Variants in PTPRT observed in about 807,000 individuals in gnomAD.
PTPRT encodes protein tyrosine phosphatase receptor type T, also known as receptor-type tyrosine-protein phosphatase T.
Under a neutral mutation model 176.8 loss-of-function variants are expected in PTPRT, and 56 were observed. The observed-to-expected ratio is 0.32, with a 90% confidence interval of 0.26 to 0.40. PTPRT has a LOEUF of 0.40. Among genes scored for constraint, PTPRT ranks in the 10% least tolerant of loss-of-function variants. PTPRT has a pLI of 1.00. For synonymous variants in PTPRT, 783 were observed against 739.0 expected (o/e 1.06, Z -0.96); for missense variants, 1,540 against 1,908.2 (o/e 0.81, Z 3.60).
intron 3 of PTPRT, among the ~76,000 whole-genome samples, chr20:42,788,717 G>A (rs141177480): frequency 6.6e-6 from 1 of 152,176 alleles, no homozygotes; most frequent in Non-Finnish European, 1.5e-5. Flanking sequence ...CATTACAAGA[G>A]ATAGCTGCGG....
chr20:42,757,270 T>C (rs78445618), intron 5 of PTPRT, among the ~76,000 whole-genome samples: 1,597 of 152,228 alleles, frequency 0.01, 32 homozygotes, highest in African/African-American at 0.037. Flanking sequence ...CTTTTTCCCT[T>C]AAGCAGAACT....
At chr20:42,608,813 A>T (rs1246133920) in intron 7 of PTPRT, among the ~76,000 whole-genome samples, 1 of 152,166 alleles carries the variant, frequency 6.6e-6, no homozygotes. Context: ...TCAAGGGAAC[A>T]AGTGTCCTAA....
intron 6 of PTPRT, among the ~76,000 whole-genome samples, chr20:42,753,569 C>T (rs1380987463): frequency 6.6e-6 from 1 of 152,220 alleles, no homozygotes; most frequent in Non-Finnish European, 1.5e-5. Context: ...TGCCACCCAC[C>T]ACCCCACCCT....
intron 7 of PTPRT, among the ~76,000 whole-genome samples, chr20:42,555,209 C>T (rs941946678): frequency 2.6e-5 from 4 of 152,146 alleles, no homozygotes; most frequent in Non-Finnish European, 4.4e-5. Context: ...GGATTTAATG[C>T]TCAGAGAGGC....
intron 15 of PTPRT, among the ~76,000 whole-genome samples, chr20:42,202,635 T>C (rs530441667): frequency 6.6e-6 from 1 of 152,342 alleles, no homozygotes; most frequent in Non-Finnish European, 1.5e-5. Context: ...TTCTTAATCA[T>C]AAATTTGAAA....
intron 1 of PTPRT, among the ~76,000 whole-genome samples, chr20:43,033,893 C>T (rs1322676690): frequency 1.3e-5 from 2 of 152,200 alleles, no homozygotes; most frequent in East Asian, 3.9e-4. Context: ...CCAACCCCGG[C>T]CCTAGAGCTC....
At chr20:42,204,070 C>G (rs973953040) in intron 15 of PTPRT, among the ~76,000 whole-genome samples, 1 of 152,274 alleles carries the variant, frequency 6.6e-6, no homozygotes, top group Middle Eastern at 3.4e-3. Flanking sequence ...TCCTCTTACT[C>G]TGAACACAAA....
chr20:42,169,013 T>A (rs1296894954), intron 16 of PTPRT, among the ~76,000 whole-genome samples: 2 of 152,192 alleles, frequency 1.3e-5, no homozygotes, highest in Non-Finnish European at 2.9e-5. Flanking sequence ...ACAAACATGA[T>A]ACAATTGACT....
intron 4 of PTPRT, among the ~76,000 whole-genome samples, chr20:42,776,679 G>GCATATAATTATATAATCATAT (rs1303782045): frequency 4.0e-5 from 6 of 150,630 alleles, no homozygotes; most frequent in African/African-American, 1.5e-4. Context: ...CACTGTCTGT[G>GCATATAATTATATAATCATAT]CATATAATTA....
At chr20:43,027,715 C>T (rs1405425476) in intron 1 of PTPRT, among the ~76,000 whole-genome samples, 1 of 152,140 alleles carries the variant, frequency 6.6e-6, no homozygotes, top group Non-Finnish European at 1.5e-5. Context: ...AAATACATTT[C>T]TGTTGTTTAG....
chr20:42,123,995 ATTGGCC>A (rs1987722175), intron 19 of PTPRT, among the ~76,000 whole-genome samples: 1 of 152,164 alleles, frequency 6.6e-6, no homozygotes, highest in South Asian at 2.1e-4. Context: ...AGCCTGGGCC[ATTGGCC>A]TTGAAAAATT....
chr20:42,093,450 C>T (rs1984849120), intron 27 of PTPRT, among the ~76,000 whole-genome samples: 1 of 113,150 alleles, frequency 8.8e-6, no homozygotes, highest in Non-Finnish European at 1.8e-5. Context: ...TACCTTTGAA[C>T]AGCAACCACT....
the PTPRT span, among the ~76,000 whole-genome samples, chr20:42,058,286 T>C: frequency 1.3e-5 from 2 of 152,144 alleles, no homozygotes; most frequent in Non-Finnish European, 2.9e-5. Flanking sequence ...CATATAAAGG[T>C]TCTCTTAGTT....
chr20:43,052,993 G>A (rs755795869), intron 1 of PTPRT, among the ~76,000 whole-genome samples: 1 of 151,984 alleles, frequency 6.6e-6, no homozygotes, highest in Non-Finnish European at 1.5e-5. Flanking sequence ...GTTCATAGCA[G>A]CACTGTTCAC....
intron 18 of PTPRT, among the ~76,000 whole-genome samples, chr20:42,130,127 A>T (rs530919777): frequency 3.9e-5 from 6 of 152,316 alleles, no homozygotes; most frequent in Middle Eastern, 3.4e-3. Flanking sequence ...CTGTTTCCAA[A>T]GGGGGTGTAA....
chr20:42,603,409 G>A (rs962852008), intron 7 of PTPRT, among the ~76,000 whole-genome samples: 1 of 152,134 alleles, frequency 6.6e-6, no homozygotes, highest in Non-Finnish European at 1.5e-5. Context: ...AATGACAAGT[G>A]CAAAACGCAA....
In PTPRT at chr20:42,110,366, G is replaced by C. The variant is rs2146290937; in HGVS notation, c.3221C>G (p.Pro1074Arg). Residue 1074 changes from proline (P) to arginine (R), a missense_variant, in exon 23 of 31, where the codon CCC (proline) becomes CGC (arginine). Physicochemically the swap from Pro to Arg is moderately radical, Grantham distance 103 (BLOSUM62 -2). Around this residue, in one of 11 missense-constraint regions of PTPRT, gnomAD observed 248 missense variants for 356.7 expected, o/e 0.70. Coordinates refer to ENST00000373187, the MANE Select transcript of PTPRT (RefSeq NM_007050.6). ...GFVRQVKFLNPPEAGPIVVHC... is the reference protein window; with the variant it reads ...GFVRQVKFLNRPEAGPIVVHC... ...GACCACTATGGGCCCAGCTTCCGGG[G>C]GGTTGAGGAACTTGACCTGGCGGAC... 1.2e-6 allele frequency: 2 copies of C among 1,612,822 alleles called. No homozygotes were observed. Among genetic ancestry groups the C allele is most frequent in the South Asian group, 2.2e-5 (2 of 90,950 alleles).
In PTPRT at chr20:42,840,680, TGG is replaced by T. The variant is rs749323515; in HGVS notation, c.214+45125_214+45126del. Among the ~76,000 whole-genome samples, 6 of 152,214 alleles carry T rather than the reference TGG, an allele frequency of 3.9e-5. 1 individual carries two copies. In the East Asian group the frequency reaches 5.8e-4, roughly 15 times the overall value. On this transcript the variant is annotated intron_variant, in intron 2 of 30. Coordinates refer to ENST00000373187, the MANE Select transcript of PTPRT (RefSeq NM_007050.6). ...TGCCCATCTTGGCCTCCCAAAGTGCTGGGATTACAGGCACGAGCCACCATGTC... is the reference window on the plus strand; with the variant it reads ...TGCCCATCTTGGCCTCCCAAAGTGCTGATTACAGGCACGAGCCACCATGTC...
chr20:42,817,320 A>C (rs1298049631), intron 2 of PTPRT, among the ~76,000 whole-genome samples: 1 of 152,140 alleles, frequency 6.6e-6, no homozygotes, highest in Non-Finnish European at 1.5e-5. Context: ...GTGGTTTTTA[A>C]ACATGAACCC....
Sources: allele counts gnomAD v4.1 joint callset (sites outside exome capture counted in the v4.1 genomes callset), GRCh38; gene constraint gnomAD v4.1.1; regional missense constraint gnomAD v4.1.1; transcripts MANE v1.5; gene names NCBI Gene and HGNC (gene_info 2026-07-23, HGNC 2026-07-21).